The following LPP variants were observed in gnomAD, a reference collection of about 807,000 sequenced individuals.
The protein encoded by LPP is lipoma-preferred partner.
A neutral mutation model predicts 60.4 loss-of-function variants in LPP; 38 were observed. That is an observed-to-expected ratio of 0.63 (90% CI 0.49 to 0.83). LPP has a LOEUF of 0.83. LPP is among the 40% of genes least tolerant of loss of function. The probability of loss-of-function intolerance (pLI) is 0.00; values close to 1 mark genes in which losing one functional copy is unlikely to be tolerated. For missense variants in LPP, 902 were observed against 783.6 expected (o/e 1.15, Z -1.80); for synonymous variants, 328 against 290.8 (o/e 1.13, Z -1.30).
intron 6 of LPP, among the ~76,000 whole-genome samples, chr3:188,588,302 G>C (rs1263945044): frequency 6.6e-6 from 1 of 152,170 alleles, no homozygotes; most frequent in Non-Finnish European, 1.5e-5. Flanking sequence ...TCTTCAGAAA[G>C]TATTTGCTAT....
chr3:188,428,306 C>T (rs1192370358), intron 4 of LPP, among the ~76,000 whole-genome samples: 1 of 152,112 alleles, frequency 6.6e-6, no homozygotes, highest in African/African-American at 2.4e-5. Context: ...CAGAAATCAC[C>T]CACCTTCTGA....
chr3:188,353,026 G>A (rs1766395009), intron 3 of LPP, among the ~76,000 whole-genome samples: 1 of 152,162 alleles, frequency 6.6e-6, no homozygotes, highest in Non-Finnish European at 1.5e-5. Context: ...TCACTGCTCT[G>A]AACCCTTTTC....
chr3:188,437,619 A>C (rs1170390979), intron 4 of LPP, among the ~76,000 whole-genome samples: 1 of 152,178 alleles, frequency 6.6e-6, no homozygotes, highest in African/African-American at 2.4e-5. Flanking sequence ...GATAGACATA[A>C]TTTTGCATTT....
intron 8 of LPP, among the ~76,000 whole-genome samples, chr3:188,738,397 C>T (rs552202038): frequency 6.6e-6 from 1 of 151,834 alleles, no homozygotes; most frequent in African/African-American, 2.4e-5. Context: ...TAGTTTATAC[C>T]CAGATAGGTT....
intron 8 of LPP, among the ~76,000 whole-genome samples, chr3:188,748,610 C>T (rs1307297315): frequency 1.3e-5 from 2 of 151,990 alleles, no homozygotes; most frequent in Non-Finnish European, 2.9e-5. Context: ...AGTGAAACCC[C>T]GTTTCTACTA....
intron 5 of LPP, among the ~76,000 whole-genome samples, chr3:188,510,341 G>T (rs1487214171): frequency 6.6e-6 from 1 of 152,170 alleles, no homozygotes; most frequent in South Asian, 2.1e-4. Context: ...ACCCTTGTTT[G>T]TTGTGCTGTG....
chr3:188,486,048 A>G (rs959103888), intron 5 of LPP, among the ~76,000 whole-genome samples: 1 of 151,966 alleles, frequency 6.6e-6, no homozygotes, highest in Non-Finnish European at 1.5e-5. Flanking sequence ...TTTTCATTTT[A>G]ATTTTTGTAG....
At chr3:188,647,892 A>C (rs1240609570) in intron 7 of LPP, among the ~76,000 whole-genome samples, 1 of 152,200 alleles carries the variant, frequency 6.6e-6, no homozygotes, top group Admixed American at 6.5e-5. Flanking sequence ...AAGCTGTGGG[A>C]TATGGTCAGC....
chr3:188,394,064 G>T (rs560623628), intron 3 of LPP, among the ~76,000 whole-genome samples: 5 of 152,116 alleles, frequency 3.3e-5, no homozygotes, highest in South Asian at 4.1e-4. Context: ...ATTTTGCTAA[G>T]GAAAAGTTTG....
intron 7 of LPP, among the ~76,000 whole-genome samples, chr3:188,657,927 G>A (rs1853665790): frequency 6.6e-6 from 1 of 152,112 alleles, no homozygotes; most frequent in South Asian, 2.1e-4. Flanking sequence ...ACTGAAAAGT[G>A]ACACATAAAA....
chr3:188,295,954 CA>C (rs1357622221), intron 2 of LPP, among the ~76,000 whole-genome samples: 1 of 152,112 alleles, frequency 6.6e-6, no homozygotes, highest in African/African-American at 2.4e-5. Context: ...TCACTTTCAC[CA>C]CATCTGCCAG....
At position 188,884,875 on chromosome 3, in the gene LPP, T is replaced by C. The variant is rs1401328098; in HGVS notation, c.*10396T>C. On this transcript the variant is annotated 3_prime_UTR_variant, in exon 12 of 12. Transcript: ENST00000617246. ...AGCCGATCCATGAGCTAACAATGTC[T>C]GAAAACAAATGTTATGGAACTGTTG... 2 of 224,774 alleles carry C rather than the reference T, an allele frequency of 8.9e-6. No homozygotes were observed. Among genetic ancestry groups the C allele is most frequent in the Non-Finnish European group, 1.8e-5 (2 of 112,810 alleles). The allele number at this position is 224,774 out of a possible 1,614,324, so 13.9% of individuals were successfully genotyped here.
intron 7 of LPP, among the ~76,000 whole-genome samples, chr3:188,631,347 TG>T (rs1435518121): frequency 6.6e-6 from 1 of 152,174 alleles, no homozygotes; most frequent in Non-Finnish European, 1.5e-5. Flanking sequence ...TAATCAAATT[TG>T]GGGACACTCC....
intron 5 of LPP, among the ~76,000 whole-genome samples, chr3:188,495,280 T>C (rs1363848497): frequency 6.7e-6 from 1 of 149,066 alleles, no homozygotes; most frequent in Non-Finnish European, 1.5e-5. Context: ...TAAATAATCA[T>C]GTAGCTCTCT....
rs189686985 is a variant in LPP, at chr3:188,662,911, G to T, written c.1114-45356G>T. Reference sequence around the variant, plus strand: ...AGGTGTCTGAGTAATGCGAAGAAAAGATCAAATTCCCTGTTGTACTACCTG... The same window carrying T: ...AGGTGTCTGAGTAATGCGAAGAAAATATCAAATTCCCTGTTGTACTACCTG... On this transcript the variant is annotated intron_variant, in intron 7 of 11. Coordinates refer to ENST00000617246, the MANE Select transcript of LPP (RefSeq NM_001375462.1). Among the ~76,000 whole-genome samples, 25 of 152,366 alleles carry T rather than the reference G, an allele frequency of 1.6e-4. No individual in the cohort carries two copies. In the East Asian group the frequency reaches 4.4e-3, roughly 27 times the overall value.
chr3:188,570,283 AAG>A (rs1435766647), intron 6 of LPP, among the ~76,000 whole-genome samples: 1 of 152,032 alleles, frequency 6.6e-6, no homozygotes, highest in Non-Finnish European at 1.5e-5. Flanking sequence ...ATATTGGAGA[AAG>A]AAATTATTGT....
At chr3:188,354,877 C>G (rs141589166) in intron 3 of LPP, among the ~76,000 whole-genome samples, 1 of 151,792 alleles carries the variant, frequency 6.6e-6, no homozygotes, top group Admixed American at 6.6e-5. Flanking sequence ...ATAAAAGCAT[C>G]ACTTTGTACC....
At chr3:188,392,584 A>G (rs1028425458) in intron 3 of LPP, among the ~76,000 whole-genome samples, 15 of 152,202 alleles carry the variant, frequency 9.9e-5, no homozygotes, top group African/African-American at 3.6e-4. Context: ...TGTTTTCCCT[A>G]CATTTCATGC....
intron 5 of LPP, among the ~76,000 whole-genome samples, chr3:188,500,360 TC>T (rs1227489497): frequency 2.0e-5 from 3 of 152,170 alleles, no homozygotes; most frequent in African/African-American, 7.2e-5. Flanking sequence ...TAACTTTTTT[TC>T]CATTCTGTTA....
Sources: gnomAD v4.1 joint callset for allele counts (sites outside exome capture counted in the v4.1 genomes callset) on GRCh38, gnomAD v4.1.1 for gene constraint, MANE v1.5 for transcripts, NCBI Gene and HGNC (gene_info 2026-07-23, HGNC 2026-07-21) for gene names.